PPIP5K2: variants seen among roughly 807,000 people sequenced by gnomAD.
PPIP5K2 encodes inositol hexakisphosphate and diphosphoinositol-pentakisphosphate kinase 2.
A neutral mutation model predicts 154.6 loss-of-function variants in PPIP5K2; 105 were observed. That is an observed-to-expected ratio of 0.68 (90% CI 0.58 to 0.80). The LOEUF (loss-of-function observed/expected upper bound fraction) is 0.80, where lower values mean the gene tolerates loss of function less well. Among genes scored for constraint, PPIP5K2 ranks in the 30% least tolerant of loss-of-function variants. PPIP5K2 has a pLI of 0.00. For missense variants in PPIP5K2, 992 were observed against 1,504.6 expected, an observed-to-expected ratio of 0.66 and a Z score of 5.64; for synonymous variants, 480 against 490.3, an observed-to-expected ratio of 0.98 and a Z score of 0.28.
chr5:103,172,655 T>A (rs1798134932), intron 19 of PPIP5K2, among the ~76,000 whole-genome samples: 1 of 151,834 alleles, frequency 6.6e-6, no homozygotes, highest in Admixed American at 6.6e-5. Flanking sequence ...TCATTAAATT[T>A]GATAATTTCA....
chr5:103,169,366 A>G (rs1797604016), intron 19 of PPIP5K2, among the ~76,000 whole-genome samples: 1 of 151,604 alleles, frequency 6.6e-6, no homozygotes, highest in Admixed American at 6.6e-5. Context: ...TACATGAAAA[A>G]GATAAAGATT....
chr5:103,170,116 T>G (rs2149686410), intron 19 of PPIP5K2, among the ~76,000 whole-genome samples: 1 of 151,698 alleles, frequency 6.6e-6, no homozygotes, highest in East Asian at 1.9e-4. Flanking sequence ...AAAACTCAAG[T>G]GTTAACAGTA....
chr5:103,164,997 CTT>C (rs1216704837), intron 17 of PPIP5K2, among the ~76,000 whole-genome samples: 3 of 152,000 alleles, frequency 2.0e-5, no homozygotes, highest in Non-Finnish European at 4.4e-5. Flanking sequence ...GTGGTTTGAT[CTT>C]AAGCAAGTAG....
intron 24 of PPIP5K2, among the ~76,000 whole-genome samples, chr5:103,182,226 C>CTA (rs1260426356): frequency 1.3e-5 from 2 of 152,246 alleles, no homozygotes; most frequent in East Asian, 3.9e-4. Context: ...TCCAAAAAGC[C>CTA]TATATAACAC....
chr5:103,179,595 G>T (rs1193521034), intron 23 of PPIP5K2, among the ~76,000 whole-genome samples: 1 of 152,038 alleles, frequency 6.6e-6, no homozygotes, highest in African/African-American at 2.4e-5. Context: ...GTTTGGAATA[G>T]ATTTAAATAT....
At chr5:103,123,514 G>C (rs1789130453) in intron 1 of PPIP5K2, among the ~76,000 whole-genome samples, 1 of 152,222 alleles carries the variant, frequency 6.6e-6, no homozygotes, top group African/African-American at 2.4e-5. Flanking sequence ...CTACTGCATT[G>C]AGTGTGGACA....
chr5:103,143,301 G>GCACTT (rs1364688303), intron 5 of PPIP5K2, among the ~76,000 whole-genome samples: 3 of 152,126 alleles, frequency 2.0e-5, no homozygotes, highest in Non-Finnish European at 4.4e-5. Flanking sequence ...AGTGATTCTC[G>GCACTT]CACTTCAGCT....
rs1554232632 is a variant in PPIP5K2, at chr5:103,212,368, A to G, written c.*10734A>G. On this transcript the variant is annotated 3_prime_UTR_variant, in exon 31 of 31. Transcript: ENST00000358359. ...TTAAAACAAGTTGTAAACTACAGGAAACAGTTGGCATCCCAGGAGAGTTGT... is the reference window on the plus strand; with the variant it reads ...TTAAAACAAGTTGTAAACTACAGGAGACAGTTGGCATCCCAGGAGAGTTGT... 1 of 152,472 alleles carries G rather than the reference A, an allele frequency of 6.6e-6. No homozygotes were observed. Among genetic ancestry groups the G allele is most frequent in the East Asian group, 1.9e-4 (1 of 5,206 alleles). 9.4% of individuals were successfully genotyped at this position (152,472 alleles called of 1,614,324 possible).
intron 2 of PPIP5K2, 113 bp from the exon 3 acceptor site, chr5:103,133,340 C>A: frequency 1.4e-6 from 1 of 692,102 alleles, no homozygotes; most frequent in Non-Finnish European, 2.2e-6. Context: ...GTTAATGTGT[C>A]ACTTTTATTT....
intron 17 of PPIP5K2, among the ~76,000 whole-genome samples, chr5:103,166,200 T>A (rs538604046): frequency 1.3e-5 from 2 of 152,222 alleles, no homozygotes; most frequent in Admixed American, 1.3e-4. Context: ...GGCATTTTGC[T>A]TGCTGACTTT....
chr5:103,128,499 T>G (rs1293556685), intron 1 of PPIP5K2, among the ~76,000 whole-genome samples: 11 of 152,212 alleles, frequency 7.2e-5, no homozygotes, highest in African/African-American at 2.6e-4. Flanking sequence ...CTCAAACTAT[T>G]TGGCTCAAGC....
At chr5:103,166,664 G>A (rs1580298519) in intron 17 of PPIP5K2, among the ~76,000 whole-genome samples, 1 of 151,836 alleles carries the variant, frequency 6.6e-6, no homozygotes, top group Non-Finnish European at 1.5e-5. Flanking sequence ...CATACTTTCT[G>A]GAAGTTCCCC....
intron 4 of PPIP5K2, 59 bp downstream of exon 4, chr5:103,136,881 C>T (rs1405203693): frequency 2.5e-6 from 3 of 1,188,914 alleles, no homozygotes; most frequent in African/African-American, 3.0e-5. Context: ...TTAGTACCTA[C>T]TGTACACTGA....
rs192020564 is a variant in PPIP5K2 at position 103,145,183 on chromosome 5, T to C, written c.488-1344T>C. 2.4e-4 allele frequency among the ~76,000 whole-genome samples: 36 copies of C among 152,162 alleles called. 1 individual carries two copies. In the East Asian group the frequency reaches 6.4e-3, roughly 27 times the overall value. ...TCAACGTCACCAATCATCAGAGAAA[T>C]GCAAATCAAATCTGTGATGAGATAT... is the stretch of plus-strand genomic sequence containing the variant. On this transcript the variant is annotated intron_variant, in intron 5 of 30. Transcript: ENST00000358359.
intron 7 of PPIP5K2, chr5:103,148,332 G>T: frequency 3.2e-6 from 1 of 309,726 alleles, no homozygotes; most frequent in Non-Finnish European, 6.2e-6. Flanking sequence ...TCTTTAAAGG[G>T]GCATTAAATA....
At chr5:103,192,335 A>T (rs1801366446) in intron 29 of PPIP5K2, among the ~76,000 whole-genome samples, 1 of 152,088 alleles carries the variant, frequency 6.6e-6, no homozygotes, top group South Asian at 2.1e-4. Context: ...GAAGGTGGTA[A>T]TCTCCTTTTA....
intron 19 of PPIP5K2, 82 bp downstream of exon 19, chr5:103,168,377 G>T: frequency 9.4e-7 from 1 of 1,066,272 alleles, no homozygotes; most frequent in Non-Finnish European, 1.4e-6. Flanking sequence ...AAAGGTAGTT[G>T]GTTTTCATGT....
chr5:103,140,566 C>G (rs971099808), intron 5 of PPIP5K2, among the ~76,000 whole-genome samples: 7 of 152,324 alleles, frequency 4.6e-5, no homozygotes, highest in Non-Finnish European at 1.0e-4. Flanking sequence ...AATTATCCTT[C>G]AGGCCGGGCG....
intron 9 of PPIP5K2, among the ~76,000 whole-genome samples, chr5:103,151,921 G>C (rs1554211511): frequency 6.6e-6 from 1 of 151,924 alleles, no homozygotes; most frequent in African/African-American, 2.4e-5. Flanking sequence ...CAGAAGACTA[G>C]CAAGGCAATA....
Sources: allele counts gnomAD v4.1 joint callset (sites outside exome capture counted in the v4.1 genomes callset), GRCh38; gene constraint gnomAD v4.1.1; transcripts MANE v1.5; gene names NCBI Gene and HGNC (gene_info 2026-07-23, HGNC 2026-07-21).